The following STK33 variants were observed in gnomAD, a reference collection of about 807,000 sequenced individuals.
STK33 encodes the protein serine/threonine kinase 33, also known as serine/threonine-protein kinase 33.
In STK33, 52 loss-of-function variants were observed where a neutral mutation model predicts 58.0. The ratio of observed to expected loss-of-function variants is 0.90; its 90% confidence interval spans 0.72 to 1.13. The LOEUF is 1.13. Ranked by LOEUF, STK33 falls within the 50% of genes most tolerant of loss-of-function variation. The probability of loss-of-function intolerance (pLI) is 0.00; values close to 1 mark genes in which losing one functional copy is unlikely to be tolerated. For missense variants in STK33, 630 were observed against 604.2 expected, an observed-to-expected ratio of 1.04 and a Z score of -0.45; for synonymous variants, 215 against 200.1, an observed-to-expected ratio of 1.07 and a Z score of -0.63.
the STK33 span, among the ~76,000 whole-genome samples, chr11:8,357,360 C>A: frequency 6.6e-6 from 1 of 152,238 alleles, no homozygotes; most frequent in Non-Finnish European, 1.5e-5. Context: ...CCCAGGAGTG[C>A]GAGCTGTCAG....
intron 7 of STK33, among the ~76,000 whole-genome samples, chr11:8,462,687 A>G (rs551565658): frequency 2.6e-5 from 4 of 152,166 alleles, no homozygotes; most frequent in South Asian, 2.1e-4. Context: ...TTTAACACTC[A>G]CCATGCAGAT....
At chr11:8,410,488 T>C (rs1207278396) in intron 15 of STK33, among the ~76,000 whole-genome samples, 1 of 150,144 alleles carries the variant, frequency 6.7e-6, no homozygotes, top group Non-Finnish European at 1.5e-5. Context: ...TTTTTTTTTT[T>C]CTGAGACAAA....
chr11:8,374,287 C>T, the STK33 span, among the ~76,000 whole-genome samples: 1 of 152,162 alleles, frequency 6.6e-6, no homozygotes, highest in Non-Finnish European at 1.5e-5. Context: ...CCCCCAACCC[C>T]CTTGTACTCT....
At chr11:8,468,850 A>G (rs1948490527) in intron 6 of STK33, among the ~76,000 whole-genome samples, 1 of 152,222 alleles carries the variant, frequency 6.6e-6, no homozygotes, top group Non-Finnish European at 1.5e-5. Flanking sequence ...ACCACCATAA[A>G]GCAAAAATTG....
intron 15 of STK33, among the ~76,000 whole-genome samples, chr11:8,403,242 C>T (rs1938449167): frequency 6.6e-6 from 1 of 152,122 alleles, no homozygotes; most frequent in Non-Finnish European, 1.5e-5. Flanking sequence ...ACCTAGCTAT[C>T]ATCAGAAAGC....
At chr11:8,505,592 G>A (rs1482660725) in intron 1 of STK33, among the ~76,000 whole-genome samples, 1 of 152,064 alleles carries the variant, frequency 6.6e-6, no homozygotes, top group East Asian at 1.9e-4. Flanking sequence ...GCCCTTCCAC[G>A]TGTTCTTGGA....
At chr11:8,578,779 T>G (rs1274126951) in intron 1 of STK33, among the ~76,000 whole-genome samples, 1 of 151,886 alleles carries the variant, frequency 6.6e-6, no homozygotes, top group Non-Finnish European at 1.5e-5. Context: ...AATTAAACTT[T>G]AAAAGAATAT....
intron 1 of STK33, among the ~76,000 whole-genome samples, chr11:8,515,605 T>C (rs1041609163): frequency 2.6e-5 from 4 of 152,156 alleles, no homozygotes; most frequent in African/African-American, 2.4e-5. Context: ...GCAAACTGAA[T>C]TCAACAGCAC....
At chr11:8,415,988 A>G (rs1023662289) in intron 14 of STK33, among the ~76,000 whole-genome samples, 1 of 152,198 alleles carries the variant, frequency 6.6e-6, no homozygotes, top group Non-Finnish European at 1.5e-5. Context: ...ACACAAACGC[A>G]TATCATGATC....
intron 1 of STK33, among the ~76,000 whole-genome samples, chr11:8,494,521 A>T (rs971407741): frequency 3.3e-5 from 5 of 152,230 alleles, no homozygotes; most frequent in Admixed American, 3.3e-4. Flanking sequence ...CATACTGCCC[A>T]AGGTAATTTT....
At chr11:8,406,978 AT>A (rs34574969) in intron 15 of STK33, among the ~76,000 whole-genome samples, 34,638 of 148,542 alleles carry the variant, frequency 0.23, 4,220 homozygotes, top group South Asian at 0.36. Flanking sequence ...GTAGTTTTGG[AT>A]TTTTTTTTTT....
At chr11:8,345,953 G>C in the STK33 span, among the ~76,000 whole-genome samples, 1 of 152,224 alleles carries the variant, frequency 6.6e-6, no homozygotes, top group South Asian at 2.1e-4. Context: ...GCACTAGGTG[G>C]TTGGTCTTTT....
chr11:8,456,620 T>C (rs533437808), intron 9 of STK33, among the ~76,000 whole-genome samples: 26 of 152,204 alleles, frequency 1.7e-4, no homozygotes, highest in East Asian at 3.9e-4. Flanking sequence ...AGTGAGAAGG[T>C]TCTAAAGTCA....
chr11:8,551,052 A>T (rs1462502325), intron 1 of STK33, among the ~76,000 whole-genome samples: 2 of 152,202 alleles, frequency 1.3e-5, no homozygotes, highest in African/African-American at 4.8e-5. Flanking sequence ...GACAGAAGGC[A>T]AGGAAGGGCA....
At chr11:8,388,914 G>T (rs575936159), downstream of STK33, among the ~76,000 whole-genome samples, 6 of 152,268 alleles carry the variant, frequency 3.9e-5, no homozygotes, top group Non-Finnish European at 8.8e-5. Flanking sequence ...TGACCACCCA[G>T]GTGAATCTCT....
At chr11:8,502,209 A>G (rs539243282) in intron 1 of STK33, among the ~76,000 whole-genome samples, 1 of 152,274 alleles carries the variant, frequency 6.6e-6, no homozygotes, top group East Asian at 1.9e-4. Context: ...AATTAATTTA[A>G]GTGAAGTCTG....
At chr11:8,454,976 T>C (rs1946677638) in intron 9 of STK33, 144 bp from the exon 10 acceptor site, 1 of 846,152 alleles carries the variant, frequency 1.2e-6, no homozygotes, top group East Asian at 3.8e-5. Flanking sequence ...TTCTATTCTC[T>C]CATTTATAAA....
intron 15 of STK33, among the ~76,000 whole-genome samples, chr11:8,402,511 T>C (rs1938253493): frequency 6.6e-6 from 1 of 152,172 alleles, no homozygotes; most frequent in African/African-American, 2.4e-5. Flanking sequence ...ATACACCTAA[T>C]GTTAAATGAT....
chr11:8,492,029 G>A (rs1364825140), intron 1 of STK33, among the ~76,000 whole-genome samples: 1 of 152,178 alleles, frequency 6.6e-6, no homozygotes, highest in East Asian at 1.9e-4. Flanking sequence ...GGAAGAAACT[G>A]CATCAACTAA....
Sources: gnomAD v4.1 joint callset for allele counts (sites outside exome capture counted in the v4.1 genomes callset) on GRCh38, gnomAD v4.1.1 for gene constraint, MANE v1.5 for transcripts, NCBI Gene and HGNC (gene_info 2026-07-23, HGNC 2026-07-21) for gene names.